The following TENM3 variants were observed in gnomAD, a reference collection of about 807,000 sequenced individuals.
TENM3 encodes the protein teneurin-3.
TENM3 carries 63 observed loss-of-function variants against 255.1 expected under a neutral mutation model. That is an observed-to-expected ratio of 0.25 (90% CI 0.20 to 0.30). TENM3 has a LOEUF of 0.30. Ranked by LOEUF, TENM3 falls within the 10% of genes least tolerant of loss-of-function variation. TENM3 has a pLI of 1.00. For missense variants in TENM3, 2,929 were observed against 3,461.1 expected, an observed-to-expected ratio of 0.85 and a Z score of 3.86; for synonymous variants, 1,306 against 1,322.3, an observed-to-expected ratio of 0.99 and a Z score of 0.27.
At chr4:182,550,167 T>C (rs1165634123) in intron 3 of TENM3, among the ~76,000 whole-genome samples, 1 of 152,246 alleles carries the variant, frequency 6.6e-6, no homozygotes, top group Non-Finnish European at 1.5e-5. Context: ...CATAAAATGT[T>C]AACATGGGTT....
At chr4:182,456,677 G>T (rs1400106220) in intron 3 of TENM3, among the ~76,000 whole-genome samples, 1 of 152,152 alleles carries the variant, frequency 6.6e-6, no homozygotes, top group African/African-American at 2.4e-5. Context: ...GATGACTAAA[G>T]TAGGGAAGAG....
chr4:182,237,574 CT>C lies in TENM3; in HGVS notation c.-75-86371del, dbSNP rs537296275. On this transcript the variant is annotated intron_variant, in intron 1 of 2. Coordinates refer to the TENM3 transcript ENST00000512480. ...TGAGAGGCCGAGGCGGGCAGATCAC[CT>C]GAGGTCAGGAGTTCAAGTCTAGAGA... is the stretch of plus-strand genomic sequence containing the variant. Among the ~76,000 whole-genome samples the C allele has an allele frequency of 6.2e-4, 95 of 152,188 alleles. 1 individual carries two copies. The highest frequency in any genetic ancestry group is 2.2e-3 in the African/African-American group (90 of 41,526).
chr4:182,146,538 T>C (rs1749980154), intron 1 of TENM3, among the ~76,000 whole-genome samples: 1 of 152,188 alleles, frequency 6.6e-6, no homozygotes, highest in Non-Finnish European at 1.5e-5. Flanking sequence ...GTTCTTTTTT[T>C]CTTACACGAA....
the TENM3 span, among the ~76,000 whole-genome samples, chr4:181,738,890 TG>T: frequency 2.0e-5 from 3 of 152,126 alleles, no homozygotes; most frequent in African/African-American, 7.2e-5. Flanking sequence ...GTATGTTTGA[TG>T]GCCTCACACA....
At chr4:181,987,922 G>A in the TENM3 span, among the ~76,000 whole-genome samples, 1 of 152,074 alleles carries the variant, frequency 6.6e-6, no homozygotes, top group Non-Finnish European at 1.5e-5. Context: ...TTGGCACAAA[G>A]CAGAGAATGC....
intron 3 of TENM3, among the ~76,000 whole-genome samples, chr4:182,530,267 A>G (rs1288786825): frequency 6.6e-6 from 1 of 152,204 alleles, no homozygotes; most frequent in Admixed American, 6.5e-5. Context: ...TATGCACGCC[A>G]CACATTTTCA....
the TENM3 span, among the ~76,000 whole-genome samples, chr4:182,106,441 AG>A: frequency 6.6e-6 from 1 of 152,206 alleles, no homozygotes; most frequent in Non-Finnish European, 1.5e-5. Flanking sequence ...TGGGCGATGG[AG>A]CGAGGCCCCT....
chr4:181,801,319 A>G, the TENM3 span, among the ~76,000 whole-genome samples: 2 of 152,120 alleles, frequency 1.3e-5, no homozygotes, highest in Non-Finnish European at 2.9e-5. Flanking sequence ...CTGCAAAACC[A>G]AGGAAGTCTA....
At chr4:182,517,431 T>A (rs1738098046) in intron 3 of TENM3, among the ~76,000 whole-genome samples, 1 of 124,788 alleles carries the variant, frequency 8.0e-6, no homozygotes. Flanking sequence ...TCGCCCAGGC[T>A]GGAGTGCAGT....
the TENM3 span, among the ~76,000 whole-genome samples, chr4:181,948,709 C>T: frequency 6.6e-6 from 1 of 152,170 alleles, no homozygotes; most frequent in Non-Finnish European, 1.5e-5. Context: ...AGCCACCGCG[C>T]CTGGCCGGAA....
intron 3 of TENM3, among the ~76,000 whole-genome samples, chr4:182,508,997 C>T (rs1737109980): frequency 6.6e-6 from 1 of 152,046 alleles, no homozygotes; most frequent in Non-Finnish European, 1.5e-5. Context: ...TTGTTAATTC[C>T]CTAATGTTTG....
At chr4:182,160,804 A>G (rs1233006414) in intron 1 of TENM3, among the ~76,000 whole-genome samples, 1 of 152,148 alleles carries the variant, frequency 6.6e-6, no homozygotes, top group African/African-American at 2.4e-5. Context: ...ATATTTCAAA[A>G]GAGCTATAAG....
At chr4:181,634,110 T>C in the TENM3 span, among the ~76,000 whole-genome samples, 10 of 152,210 alleles carry the variant, frequency 6.6e-5, no homozygotes, top group Admixed American at 6.5e-4. Flanking sequence ...GTAACAAATA[T>C]TCTGTCTTGT....
At chr4:182,677,524 T>C (rs1755764244) in intron 7 of TENM3, among the ~76,000 whole-genome samples, 1 of 152,186 alleles carries the variant, frequency 6.6e-6, no homozygotes, top group African/African-American at 2.4e-5. Context: ...GATGAGGAAA[T>C]GAATGGCTTA....
At chr4:182,041,444 A>C in the TENM3 span, among the ~76,000 whole-genome samples, 1 of 152,230 alleles carries the variant, frequency 6.6e-6, no homozygotes, top group African/African-American at 2.4e-5. Flanking sequence ...CTATGTGAAC[A>C]CATAAAATAA....
chr4:181,478,892 A>G, the TENM3 span, among the ~76,000 whole-genome samples: 5 of 152,220 alleles, frequency 3.3e-5, no homozygotes, highest in Admixed American at 1.3e-4. Context: ...AGAGAATAGA[A>G]TTGAAACGGG....
chr4:181,504,880 C>T, the TENM3 span, among the ~76,000 whole-genome samples: 94,093 of 152,014 alleles, frequency 0.62, 29,250 homozygotes, highest in Middle Eastern at 0.65. Flanking sequence ...CATATTAATC[C>T]CTAATAACAT....
chr4:181,640,962 G>C, the TENM3 span, among the ~76,000 whole-genome samples: 1 of 152,062 alleles, frequency 6.6e-6, no homozygotes, highest in East Asian at 1.9e-4. Context: ...CTTTTGAAAG[G>C]GTGAACTATT....
the TENM3 span, among the ~76,000 whole-genome samples, chr4:182,091,518 AAGG>A: frequency 6.6e-6 from 1 of 152,274 alleles, no homozygotes; most frequent in African/African-American, 2.4e-5. Context: ...TAGGAGCTCA[AAGG>A]AGGAGACCTG....
Sources: allele counts gnomAD v4.1 joint callset (sites outside exome capture counted in the v4.1 genomes callset), GRCh38; gene constraint gnomAD v4.1.1; transcripts MANE v1.5; gene names NCBI Gene and HGNC (gene_info 2026-07-23, HGNC 2026-07-21).